The following NEK11 variants were observed in gnomAD, a reference collection of about 807,000 sequenced individuals.
The protein encoded by NEK11 is serine/threonine-protein kinase Nek11.
A neutral mutation model predicts 80.7 loss-of-function variants in NEK11; 72 were observed. The ratio of observed to expected loss-of-function variants is 0.89; its 90% CI spans 0.74 to 1.08. The LOEUF is 1.08. NEK11 is among the 50% of genes least tolerant of loss of function. NEK11 has a pLI of 0.00. For missense variants in NEK11, 764 were observed against 763.6 expected, an observed-to-expected ratio of 1.00 and a Z score of -0.01; for synonymous variants, 251 against 260.7, an observed-to-expected ratio of 0.96 and a Z score of 0.36.
intron 14 of NEK11, among the ~76,000 whole-genome samples, chr3:131,179,331 T>G (rs965990447): frequency 3.3e-5 from 5 of 152,236 alleles, no homozygotes; most frequent in African/African-American, 9.6e-5. Flanking sequence ...ATAGCACAGA[T>G]AGGCTAAGAA....
chr3:131,138,315 G>A (rs1578923694), intron 7 of NEK11, among the ~76,000 whole-genome samples: 1 of 152,186 alleles, frequency 6.6e-6, no homozygotes. Flanking sequence ...ATGGGGTGAA[G>A]CTCCTCTGCA....
Position 131,080,421 on chromosome 3 carries a change from A to G in NEK11, c.171-2A>G. ...TGTTTTTAAAATTTTTTTTGATCTCAGAAAGGTACTTAAGGAAATATCTGT... is the reference window on the plus strand; with the variant it reads ...TGTTTTTAAAATTTTTTTTGATCTCGGAAAGGTACTTAAGGAAATATCTGT... On this transcript the variant is annotated splice_acceptor_variant, in intron 3 of 17. Transcript: ENST00000383366. LOFTEE classifies it high-confidence loss of function. 1 of 1,587,324 alleles carries G rather than the reference A, an allele frequency of 6.3e-7. No individual in the cohort carries two copies. The highest frequency in any genetic ancestry group is 1.9e-5 in the Admixed American group (1 of 51,568).
intron 3 of NEK11, among the ~76,000 whole-genome samples, chr3:131,058,759 C>T (rs1370136026): frequency 1.3e-5 from 2 of 152,174 alleles, no homozygotes; most frequent in Admixed American, 6.6e-5. Context: ...CTAATTTTAG[C>T]TGCTAAGATA....
chr3:131,117,550 A>G (rs932678320), intron 5 of NEK11, among the ~76,000 whole-genome samples: 1 of 152,132 alleles, frequency 6.6e-6, no homozygotes, highest in African/African-American at 2.4e-5. Context: ...CATTGAATCT[A>G]TAAATTACCT....
chr3:131,270,526 A>G (rs905525433), intron 16 of NEK11, among the ~76,000 whole-genome samples: 8 of 152,220 alleles, frequency 5.3e-5, no homozygotes, highest in Non-Finnish European at 8.8e-5. Flanking sequence ...TCTTGCCCCA[A>G]TTATTTTTAT....
chr3:131,317,795 A>AGGGAGGGG (rs1407814783), intron 17 of NEK11, among the ~76,000 whole-genome samples: 1 of 2,868 alleles, frequency 3.5e-4, no homozygotes, highest in African/African-American at 1.1e-3. Flanking sequence ...GGAGGAGGAG[A>AGGGAGGGG]GAAGGAGGAG....
At position 131,252,779 on chromosome 3, in the gene NEK11, G is replaced by C. The variant is rs1197163416; in HGVS notation, c.1621+9283G>C. On this transcript the variant is annotated intron_variant, in intron 16 of 17. Transcript: ENST00000383366. The stretch of plus-strand genomic sequence containing the variant: ...ACTTCCTACATGATGCTGATGCTCT[G>C]GGTCCAGACTGCACTTTAAGAACTA... 2.0e-5 allele frequency among the ~76,000 whole-genome samples: 3 copies of C among 152,040 alleles called. No homozygotes were observed. In the East Asian group the frequency reaches 5.8e-4, roughly 29 times the overall value.
chr3:131,030,937 A>T (rs1402038626), intron 3 of NEK11, among the ~76,000 whole-genome samples: 1 of 152,252 alleles, frequency 6.6e-6, no homozygotes, highest in African/African-American at 2.4e-5. Context: ...AGCAGAAGGA[A>T]GAATGATCCA....
At chr3:131,120,884 CT>C (rs1311624122) in intron 5 of NEK11, among the ~76,000 whole-genome samples, 1 of 152,128 alleles carries the variant, frequency 6.6e-6, no homozygotes, top group Non-Finnish European at 1.5e-5. Flanking sequence ...TTCATCTAAT[CT>C]TATTTCAAGG....
intron 15 of NEK11, among the ~76,000 whole-genome samples, 166 bp from the exon 16 acceptor site, chr3:131,243,270 T>A (rs1409845690): frequency 6.6e-6 from 1 of 152,140 alleles, no homozygotes; most frequent in Non-Finnish European, 1.5e-5. Flanking sequence ...GAGAGAGTGA[T>A]GTAGATATAC....
chr3:131,237,553 G>A lies in NEK11; in HGVS notation c.1561-5883G>A, dbSNP rs57937311. Among the ~76,000 whole-genome samples, 16 of 151,960 alleles carry A rather than the reference G, an allele frequency of 1.1e-4. No individual in the cohort carries two copies. The East Asian group carries it at 1.7e-3, about 17-fold the overall frequency. On this transcript the variant is annotated intron_variant, in intron 15 of 17. Transcript: ENST00000383366. Reference sequence around the variant, plus strand: ...CCTTCTATTCTTCAGTTCTATTTTCGCAGAACTCTAGACTTACATATCCAG... The same window carrying A: ...CCTTCTATTCTTCAGTTCTATTTTCACAGAACTCTAGACTTACATATCCAG...
chr3:131,337,166 G>A (rs1027966112), intron 17 of NEK11, among the ~76,000 whole-genome samples: 14 of 152,184 alleles, frequency 9.2e-5, no homozygotes, highest in Admixed American at 2.0e-4. Flanking sequence ...ACATGCACAC[G>A]TATGTTTATT....
intron 4 of NEK11, among the ~76,000 whole-genome samples, chr3:131,104,254 T>A (rs910981691): frequency 6.6e-6 from 1 of 152,014 alleles, no homozygotes; most frequent in Non-Finnish European, 1.5e-5. Context: ...CTCTGGAAGC[T>A]CCACCCCAGA....
intron 14 of NEK11, among the ~76,000 whole-genome samples, chr3:131,173,290 G>A (rs1018586766): frequency 3.9e-5 from 6 of 151,976 alleles, no homozygotes; most frequent in African/African-American, 9.7e-5. Flanking sequence ...GGTCTGGATC[G>A]GACCCTTTTC....
chr3:131,206,512 G>T (rs889876986), intron 14 of NEK11, among the ~76,000 whole-genome samples: 7 of 152,098 alleles, frequency 4.6e-5, no homozygotes, highest in Admixed American at 2.6e-4. Context: ...AATCGTTAGG[G>T]TTCACTCTTA....
chr3:131,162,560 G>T (rs747501047), intron 11 of NEK11, 33 bp downstream of exon 11: 5 of 1,612,110 alleles, frequency 3.1e-6, no homozygotes, highest in Non-Finnish European at 4.2e-6. Flanking sequence ...ACTCATGCTC[G>T]GGACTACTTC....
chr3:131,167,831 G>A (rs558720427), intron 12 of NEK11, among the ~76,000 whole-genome samples: 34 of 152,288 alleles, frequency 2.2e-4, no homozygotes, highest in African/African-American at 6.0e-4. Flanking sequence ...AGGAGCAAAG[G>A]GAGCAGGAGG....
intron 3 of NEK11, among the ~76,000 whole-genome samples, chr3:131,057,985 G>A (rs1377189244): frequency 6.6e-6 from 1 of 151,732 alleles, no homozygotes; most frequent in East Asian, 1.9e-4. Context: ...CTGAATGGTA[G>A]TGCCTAGGTT....
chr3:131,323,785 A>G (rs958938560), intron 17 of NEK11, among the ~76,000 whole-genome samples: 1 of 152,172 alleles, frequency 6.6e-6, no homozygotes, highest in Non-Finnish European at 1.5e-5. Flanking sequence ...ACCATTTTTA[A>G]AGTCCTCTTC....
Sources: gnomAD v4.1 joint callset for allele counts (sites outside exome capture counted in the v4.1 genomes callset) on GRCh38, gnomAD v4.1.1 for gene constraint, MANE v1.5 for transcripts, NCBI Gene and HGNC (gene_info 2026-07-23, HGNC 2026-07-21) for gene names.